NUDT5: variants seen among roughly 807,000 people sequenced by gnomAD.
NUDT5 encodes nudix hydrolase 5.
In NUDT5, 21 loss-of-function variants were observed where a neutral mutation model predicts 34.1. The observed-to-expected ratio is 0.62, with a 90% CI of 0.44 to 0.89. The LOEUF is 0.89. Among genes scored for constraint, NUDT5 ranks in the 40% least tolerant of loss-of-function variants. NUDT5 has a pLI of 0.00. For synonymous variants in NUDT5, 85 were observed against 97.6 expected (o/e 0.87, Z 0.76); for missense variants, 249 against 274.8 (o/e 0.91, Z 0.66).
At chr10:12,189,790 T>A (rs1835191713) in intron 1 of NUDT5, among the ~76,000 whole-genome samples, 1 of 152,256 alleles carries the variant, frequency 6.6e-6, no homozygotes, top group African/African-American at 2.4e-5. Context: ...AACTTTGATA[T>A]AAATTTTATC....
intron 1 of NUDT5, among the ~76,000 whole-genome samples, chr10:12,192,600 T>C (rs974272429): frequency 5.3e-5 from 8 of 152,172 alleles, no homozygotes; most frequent in Non-Finnish European, 1.0e-4. Flanking sequence ...ATGCCTGTAA[T>C]CCCAGCGCTT....
chr10:12,184,857 C>A, intron 3 of NUDT5, 32 bp downstream of exon 3: 1 of 1,271,080 alleles, frequency 7.9e-7, no homozygotes. Flanking sequence ...ACCCAAATAA[C>A]GAACATTTTG....
intron 1 of NUDT5, among the ~76,000 whole-genome samples, chr10:12,192,255 G>C (rs1011521296): frequency 2.6e-5 from 4 of 151,352 alleles, no homozygotes; most frequent in South Asian, 2.1e-4. Flanking sequence ...AGTGAGCCGA[G>C]ATCATGCCAC....
At chr10:12,192,941 TG>T (rs933195664) in intron 1 of NUDT5, among the ~76,000 whole-genome samples, 23 of 127,596 alleles carry the variant, frequency 1.8e-4, no homozygotes, top group African/African-American at 7.0e-4. Flanking sequence ...AATTCACTTA[TG>T]GGTTTTTTTT....
In NUDT5 at chr10:12,171,587, G is replaced by C. The variant is rs1834854909; in HGVS notation, c.488-679C>G. Among the ~76,000 whole-genome samples the C allele has an allele frequency of 6.6e-6, 1 of 152,026 alleles. No individual in the cohort carries two copies. The highest frequency in any genetic ancestry group is 2.4e-5 in the African/African-American group (1 of 41,374). On this transcript the variant is annotated intron_variant, in intron 7 of 9. Transcript: ENST00000491614. The surrounding 1 kb of genome is among the most constrained non-coding windows in gnomAD (Gnocchi z 4.2). ...TGGGTGTAGACTTAGGAGATGAAAT[G>C]CCAGATCATATAATAATTCTGTATC...
rs1834840526 is a variant in NUDT5, at chr10:12,170,933, T to C, written c.488-25A>G. ...CCTGGAAATAAACAGAAGGAAAACA[T>C]TTCAGCAAGGCCTGGAGTGGTAACA... On this transcript the variant is annotated intron_variant, in intron 7 of 9. Transcript: ENST00000491614. This position sits in a 1 kb window ranked among gnomAD's most constrained non-coding sequence, Gnocchi z 4.9. The C allele has an allele frequency of 6.2e-7, 1 of 1,611,990 alleles. No individual in the cohort carries two copies. The highest frequency in any genetic ancestry group is 1.3e-5 in the African/African-American group (1 of 74,828).
chr10:12,195,045 A>C (rs1029180179), intron 1 of NUDT5, among the ~76,000 whole-genome samples: 2 of 152,196 alleles, frequency 1.3e-5, no homozygotes, highest in Non-Finnish European at 2.9e-5. Flanking sequence ...GCGCGCTCTC[A>C]GCTACTCGAG....
Position 12,170,574 on chromosome 10 carries a change from A to G in NUDT5, c.550+143T>C. 1.2e-6 allele frequency: 1 copy of G among 803,300 alleles called. No homozygotes were observed. The highest frequency in any genetic ancestry group is 1.7e-5 in the African/African-American group (1 of 58,034). 49.8% of individuals were successfully genotyped at this position (803,300 alleles called of 1,614,324 possible). A position where few individuals can be genotyped will look rare whatever the true frequency, so the allele number is the denominator to read the frequency against. ...CCAGAAAGGAAAATTAGTAGTGGTC[A>G]CCTGCAGTTTTACAAGTTGCTAGGC... On this transcript the variant is annotated intron_variant, in intron 9 of 9. Transcript: ENST00000491614. The surrounding 1 kb of genome is among the most constrained non-coding windows in gnomAD (Gnocchi z 4.9).
At chr10:12,188,384 A>G (rs2131716483) in intron 1 of NUDT5, among the ~76,000 whole-genome samples, 1 of 152,340 alleles carries the variant, frequency 6.6e-6, no homozygotes, top group Non-Finnish European at 1.5e-5. Context: ...TGACTATCAT[A>G]GGTAACCCTT....
Position 12,187,871 on chromosome 10 carries a change from C to G in NUDT5, c.-41-1539G>C, listed in dbSNP as rs1835155308. ...CTGTTGTTTCTTTTAAGAACTGTTACTTGGACCAGGCACAGTGGCTCACAC... is the reference window on the plus strand; with the variant it reads ...CTGTTGTTTCTTTTAAGAACTGTTAGTTGGACCAGGCACAGTGGCTCACAC... On this transcript the variant is annotated intron_variant, in intron 1 of 9. Coordinates refer to ENST00000491614, the MANE Select transcript of NUDT5 (RefSeq NM_014142.4). The surrounding 1 kb of genome is among the most constrained non-coding windows in gnomAD (Gnocchi z 5.4). Among the ~76,000 whole-genome samples, 1 of 152,138 alleles carries G rather than the reference C, an allele frequency of 6.6e-6. No individual in the cohort carries two copies. The highest frequency in any genetic ancestry group is 2.4e-5 in the African/African-American group (1 of 41,426).
chr10:12,186,837 T>C (rs761712264), intron 1 of NUDT5, among the ~76,000 whole-genome samples: 1 of 151,840 alleles, frequency 6.6e-6, no homozygotes, highest in Non-Finnish European at 1.5e-5. Context: ...ACGTTGGCCA[T>C]GCTGCTCTCA....
At chr10:12,188,588 G>A (rs190984234) in intron 1 of NUDT5, among the ~76,000 whole-genome samples, 14 of 152,194 alleles carry the variant, frequency 9.2e-5, no homozygotes, top group African/African-American at 3.4e-4. Flanking sequence ...AAAATTAGCT[G>A]GACGTGGTGG....
Position 12,166,747 on chromosome 10 carries a change from A to G in NUDT5, c.*955T>C, listed in dbSNP as rs750275957. 2.8e-5 allele frequency: 14 copies of G among 507,528 alleles called. No individual in the cohort carries two copies. The highest frequency in any genetic ancestry group is 2.3e-4 in the East Asian group (4 of 17,080). The allele number at this position is 507,528 out of a possible 1,614,324, so 31.4% of individuals were successfully genotyped here. On this transcript the variant is annotated 3_prime_UTR_variant, in exon 10 of 10. Transcript: ENST00000491614. Reference sequence around the variant, plus strand: ...AATCATGGAGCTGCTGGAGGCCCTAAAAGTCAACACAAAAAGAGCTAAACT... The same window carrying G: ...AATCATGGAGCTGCTGGAGGCCCTAGAAGTCAACACAAAAAGAGCTAAACT...
At chr10:12,194,462 C>T (rs1835293909) in intron 1 of NUDT5, among the ~76,000 whole-genome samples, 1 of 152,220 alleles carries the variant, frequency 6.6e-6, no homozygotes, top group Non-Finnish European at 1.5e-5. Flanking sequence ...GAAAGGACTG[C>T]ATAGTTCCGG....
intron 3 of NUDT5, among the ~76,000 whole-genome samples, chr10:12,183,676 TAATATCAA>T (rs759864420): frequency 3.9e-5 from 6 of 152,236 alleles, no homozygotes; most frequent in African/African-American, 1.2e-4. Flanking sequence ...TTATAGTTTA[TAATATCAA>T]AAGATTGCTA....
intron 1 of NUDT5, 127 bp from the exon 2 acceptor site, chr10:12,186,459 A>G: frequency 1.6e-6 from 1 of 618,726 alleles, no homozygotes; most frequent in Non-Finnish European, 2.9e-6. Flanking sequence ...CTGTCTCAGT[A>G]TGTGAGGGAA....
At chr10:12,172,636 G>A in intron 7 of NUDT5, 129 bp downstream of exon 7, 1 of 657,758 alleles carries the variant, frequency 1.5e-6, no homozygotes, top group Non-Finnish European at 2.8e-6. Flanking sequence ...CAAGAATACT[G>A]ATGAAGTCTA....
intron 1 of NUDT5, among the ~76,000 whole-genome samples, chr10:12,186,689 G>A (rs549740102): frequency 8.6e-5 from 13 of 150,376 alleles, no homozygotes; most frequent in Admixed American, 4.7e-4. Context: ...GTGCAATGGC[G>A]CGATCTCAGC....
chr10:12,183,798 G>A (rs770140752), intron 3 of NUDT5, among the ~76,000 whole-genome samples: 13 of 152,144 alleles, frequency 8.5e-5, no homozygotes, highest in Non-Finnish European at 1.8e-4. Context: ...ATTTGGCAGA[G>A]TTTGAAAAGC....
Sources: allele counts gnomAD v4.1 joint callset (sites outside exome capture counted in the v4.1 genomes callset), GRCh38; gene constraint gnomAD v4.1.1; non-coding constraint Gnocchi (gnomAD v3.1); transcripts MANE v1.5; gene names NCBI Gene and HGNC (gene_info 2026-07-23, HGNC 2026-07-21).